Variants in LYST observed in about 807,000 individuals in gnomAD.
LYST encodes lysosomal trafficking regulator.
LYST carries 192 observed loss-of-function variants against 413.6 expected under a neutral mutation model. That is an observed-to-expected ratio of 0.46 (90% CI 0.41 to 0.52). The LOEUF (loss-of-function observed/expected upper bound fraction) is 0.52. Among genes scored for constraint, LYST ranks in the 20% least tolerant of loss-of-function variants. LYST has a pLI of 0.00. For missense variants in LYST, 3,815 were observed against 4,499.9 expected (o/e 0.85, Z 4.35); for synonymous variants, 1,525 against 1,567.3 (o/e 0.97, Z 0.64).
intron 11 of LYST, among the ~76,000 whole-genome samples, chr1:235,793,046 G>C (rs1038000942): frequency 6.6e-6 from 1 of 152,090 alleles, no homozygotes; most frequent in Admixed American, 6.5e-5. Context: ...TCTAGTCAAG[G>C]TTTCATTATA....
rs1662230645 is a variant in LYST at position 235,709,430 on chromosome 1, G to A, written c.9926-122C>T. On this transcript the variant is annotated intron_variant, in intron 43 of 52. Coordinates refer to ENST00000389793, the MANE Select transcript of LYST (RefSeq NM_000081.4). ...TGTGCTACAACCAAAAAAGGGAATA[G>A]CAAGGAGGATTTACATTTTGAATAA... The A allele has an allele frequency of 9.5e-6, 7 of 737,398 alleles. No homozygotes were observed. In the African/African-American group the frequency reaches 1.2e-4, roughly 13 times the overall value. 45.7% of individuals were successfully genotyped at this position (737,398 alleles called of 1,614,324 possible).
intron 1 of LYST, among the ~76,000 whole-genome samples, chr1:235,871,938 G>A (rs1340030113): frequency 6.6e-6 from 1 of 152,130 alleles, no homozygotes; most frequent in Admixed American, 6.6e-5. Context: ...TTCCTGGCTG[G>A]CTCTGAAATA....
intron 48 of LYST, among the ~76,000 whole-genome samples, chr1:235,681,827 AT>A (rs199844506): frequency 6.4e-4 from 96 of 150,242 alleles, no homozygotes; most frequent in Middle Eastern, 3.4e-3. Flanking sequence ...TTCTTTCCTC[AT>A]TTTTTTTCTT....
At chr1:235,862,711 G>A (rs1358214646) in intron 1 of LYST, among the ~76,000 whole-genome samples, 5 of 151,754 alleles carry the variant, frequency 3.3e-5, no homozygotes, top group Admixed American at 1.3e-4. Context: ...CAGGAGAATC[G>A]CTTGAACCTA....
At position 235,759,292 on chromosome 1, in the gene LYST, G is replaced by A. The variant is rs1478220410; in HGVS notation, c.6561C>T (p.Val2187=). The A allele has an allele frequency of 6.2e-7, 1 of 1,614,148 alleles. No individual in the cohort carries two copies. The highest frequency in any genetic ancestry group is 1.3e-5 in the African/African-American group (1 of 75,060). The change falls in exon 23 of 53, where the codon GTC becomes GTT. Residue 2187 remains valine (V), a synonymous_variant. Coordinates refer to ENST00000389793, the MANE Select transcript of LYST (RefSeq NM_000081.4). ...MEAVLSAQVS[V]SDVPKGVLGF... ...CCAGCACTCCCTTTGGGACATCACTGACAGAGACCTGGGCTGAGAGGACAG... is the reference window on the plus strand; with the variant it reads ...CCAGCACTCCCTTTGGGACATCACTAACAGAGACCTGGGCTGAGAGGACAG...
intron 45 of LYST, among the ~76,000 whole-genome samples, chr1:235,697,667 C>T (rs1257017799): frequency 2.6e-5 from 4 of 152,162 alleles, no homozygotes; most frequent in African/African-American, 9.7e-5. Context: ...ATCAAGACCA[C>T]ATGTAGCACA....
chr1:235,878,941 T>C (rs1336518826), intron 1 of LYST, among the ~76,000 whole-genome samples: 1 of 152,200 alleles, frequency 6.6e-6, no homozygotes, highest in Non-Finnish European at 1.5e-5. Context: ...CATGGATATA[T>C]TGAGTAGTGG....
chr1:235,728,834 C>T (rs773720565), intron 37 of LYST, among the ~76,000 whole-genome samples: 1 of 152,184 alleles, frequency 6.6e-6, no homozygotes, highest in Non-Finnish European at 1.5e-5. Flanking sequence ...AGCTCCATAT[C>T]TTGGACCTTG....
chr1:235,695,631 T>TC, intron 46 of LYST, among the ~76,000 whole-genome samples: 1 of 43,310 alleles, frequency 2.3e-5, no homozygotes, highest in African/African-American at 9.3e-5. Flanking sequence ...GTACTCTAAT[T>TC]TTTTTTTTTT....
chr1:235,804,444 C>G (rs1360779971), intron 7 of LYST, 60 bp downstream of exon 7: 1 of 1,356,258 alleles, frequency 7.4e-7, no homozygotes, highest in Non-Finnish European at 1.1e-6. Context: ...TAGTGTCATC[C>G]CACACTTCCG....
At chr1:235,860,254 A>T (rs569377328) in intron 1 of LYST, among the ~76,000 whole-genome samples, 29 of 152,214 alleles carry the variant, frequency 1.9e-4, no homozygotes, top group Admixed American at 1.0e-3. Context: ...TTCCATGTAC[A>T]CCCTGCTCTC....
chr1:235,797,996 C>A (rs553173330), intron 10 of LYST, among the ~76,000 whole-genome samples: 80 of 152,164 alleles, frequency 5.3e-4, no homozygotes, highest in Non-Finnish European at 1.0e-3. Flanking sequence ...ACAAGATATA[C>A]GAATGGCCAA....
intron 46 of LYST, among the ~76,000 whole-genome samples, chr1:235,696,699 T>C (rs1026473285): frequency 6.6e-6 from 1 of 152,208 alleles, no homozygotes; most frequent in Non-Finnish European, 1.5e-5. Context: ...TTCAAGGCTA[T>C]CTCGACATCC....
At chr1:235,828,436 T>G (rs956713452) in intron 3 of LYST, among the ~76,000 whole-genome samples, 2 of 152,206 alleles carry the variant, frequency 1.3e-5, no homozygotes, top group Non-Finnish European at 2.9e-5. Flanking sequence ...GTGAATTATA[T>G]CTCAATAATG....
intron 1 of LYST, among the ~76,000 whole-genome samples, chr1:235,874,353 G>T (rs1681051884): frequency 6.6e-6 from 1 of 152,184 alleles, no homozygotes; most frequent in African/African-American, 2.4e-5. Flanking sequence ...GGGTCTGCTT[G>T]GACTCCAGAC....
At chr1:235,738,616 T>C in intron 31 of LYST, 1 of 1,608,564 alleles carries the variant, frequency 6.2e-7, no homozygotes, top group Non-Finnish European at 8.5e-7. Flanking sequence ...AAAGCAAATG[T>C]TACTGGTGTC....
In LYST at chr1:235,738,199, A is replaced by G. The variant is rs189538414; in HGVS notation, c.8358+3223T>C. ...AAGGGCGAGATGATGGATCTCCACC[A>G]TGGCAGCCTTTTCCTTAGAACACCA... On this transcript the variant is annotated intron_variant, in intron 31 of 52. Transcript: ENST00000389793. The G allele has an allele frequency of 8.5e-5, 137 of 1,610,396 alleles. 2 individuals carry two copies. The South Asian group carries it at 1.0e-3, about 12-fold the overall frequency.
intron 21 of LYST, among the ~76,000 whole-genome samples, chr1:235,765,511 T>A (rs1259102349): frequency 6.6e-6 from 1 of 152,248 alleles, no homozygotes; most frequent in Non-Finnish European, 1.5e-5. Flanking sequence ...CCATTTGATA[T>A]GACTTTAGGG....
chr1:235,831,801 T>C (rs570678758), intron 2 of LYST, among the ~76,000 whole-genome samples: 1 of 152,340 alleles, frequency 6.6e-6, no homozygotes, highest in East Asian at 1.9e-4. Flanking sequence ...CTTTATATGC[T>C]TTCAGAAAGT....
Sources: gnomAD v4.1 joint callset for allele counts (sites outside exome capture counted in the v4.1 genomes callset) on GRCh38, gnomAD v4.1.1 for gene constraint, MANE v1.5 for transcripts, NCBI Gene and HGNC (gene_info 2026-07-23, HGNC 2026-07-21) for gene names.